Variants in CHIC2 observed in about 807,000 individuals in gnomAD.
CHIC2 encodes the protein cysteine-rich hydrophobic domain-containing protein 2.
CHIC2 carries 14 observed loss-of-function variants against 25.9 expected under a neutral mutation model. The observed-to-expected ratio is 0.54, with a 90% CI of 0.36 to 0.85. The LOEUF is 0.85. Among genes scored for constraint, CHIC2 ranks in the 40% least tolerant of loss-of-function variants. The pLI, the probability that CHIC2 is intolerant of heterozygous loss-of-function variation, is 0.01. For synonymous variants in CHIC2, 70 were observed against 72.0 expected, an observed-to-expected ratio of 0.97 and a Z score of 0.14; for missense variants, 146 against 202.0, an observed-to-expected ratio of 0.72 and a Z score of 1.68.
intron 3 of CHIC2, among the ~76,000 whole-genome samples, chr4:54,031,092 C>G (rs1424441646): frequency 6.6e-6 from 1 of 151,096 alleles, no homozygotes; most frequent in African/African-American, 2.4e-5. Context: ...CTACAAAGCT[C>G]AATTTTCAGA....
the CHIC2 span, among the ~76,000 whole-genome samples, chr4:54,074,597 AAC>A: frequency 0.035 from 4,840 of 139,322 alleles, 71 homozygotes; most frequent in Non-Finnish European, 0.042. Context: ...ACAACACACA[AAC>A]ACACACACAC....
Position 54,033,512 on chromosome 4 carries a change from G to A in CHIC2, c.330+15443C>T, listed in dbSNP as rs143578640. On this transcript the variant is annotated intron_variant, in intron 3 of 5. Coordinates refer to ENST00000263921, the MANE Select transcript of CHIC2 (RefSeq NM_012110.4). ...AAATCCTCCAATAGTTTTCAAAAAC[G>A]GAAATTTTTAACTTTTATGGAGTCC... is the stretch of plus-strand genomic sequence containing the variant. Among the ~76,000 whole-genome samples the A allele has an allele frequency of 3.6e-3, 551 of 152,178 alleles. 4 individuals carry two copies. The highest frequency in any genetic ancestry group is 0.013 in the African/African-American group (526 of 41,548).
intron 3 of CHIC2, among the ~76,000 whole-genome samples, chr4:54,032,391 G>A (rs917738526): frequency 1.3e-5 from 2 of 151,106 alleles, no homozygotes; most frequent in Admixed American, 6.6e-5. Flanking sequence ...TCAGCCTGCC[G>A]AGTGCCTGCG....
the CHIC2 span, among the ~76,000 whole-genome samples, chr4:54,073,309 A>G: frequency 6.6e-5 from 10 of 152,198 alleles, no homozygotes; most frequent in Admixed American, 2.0e-4. Context: ...TGAGAGACTC[A>G]TCAACTTGTG....
At chr4:54,083,196 G>A in the CHIC2 span, among the ~76,000 whole-genome samples, 1 of 151,322 alleles carries the variant, frequency 6.6e-6, no homozygotes, top group Non-Finnish European at 1.5e-5. Flanking sequence ...TGTATTTTTA[G>A]TAGAGACGGG....
At chr4:54,054,414 A>G (rs1237177511) in intron 1 of CHIC2, among the ~76,000 whole-genome samples, 1 of 152,258 alleles carries the variant, frequency 6.6e-6, no homozygotes, top group African/African-American at 2.4e-5. Flanking sequence ...CAGAAATGCA[A>G]GAATCCACTG....
chr4:54,053,045 G>A (rs1717056328), intron 1 of CHIC2, among the ~76,000 whole-genome samples: 2 of 151,782 alleles, frequency 1.3e-5, no homozygotes, highest in African/African-American at 4.8e-5. Context: ...TAAAAACACA[G>A]AAATACCATT....
intron 5 of CHIC2, among the ~76,000 whole-genome samples, chr4:54,012,953 A>G (rs1407257816): frequency 2.0e-5 from 3 of 152,164 alleles, no homozygotes; most frequent in African/African-American, 7.2e-5. Context: ...AATATTTTAC[A>G]CATACACACG....
Position 54,010,119 on chromosome 4 carries a change from C to A in CHIC2, c.474G>T (p.Lys158Asn). 1 of 1,607,454 alleles carries A rather than the reference C, an allele frequency of 6.2e-7. No individual in the cohort carries two copies. Among genetic ancestry groups the A allele is most frequent in the South Asian group, 1.1e-5 (1 of 90,738 alleles). The change falls in exon 6 of 6, where the codon AAG becomes AAT. Residue 158 changes from lysine (K) to asparagine (N), a missense_variant. Lys to Asn is a moderately conservative substitution (Grantham distance 94). Transcript: ENST00000263921. ...EYVILIEFLP[K>N]TPIFRPD ...GCTAATCTGGTCGAAAAATCGGTGT[C>A]TTTGGTAAAAATTCTATGAGGATGA...
upstream of CHIC2, among the ~76,000 whole-genome samples, chr4:54,066,599 C>T (rs916002601): frequency 4.7e-5 from 7 of 150,092 alleles, no homozygotes; most frequent in African/African-American, 1.2e-4. Context: ...ATTGAGTATA[C>T]TGGTGGTCCA....
intron 3 of CHIC2, among the ~76,000 whole-genome samples, chr4:54,023,288 G>A (rs529702521): frequency 5.6e-4 from 86 of 152,224 alleles, no homozygotes; most frequent in South Asian, 2.7e-3. Context: ...TCATGTCTCC[G>A]TGCAGAGGCT....
chr4:54,064,474 C>T lies in CHIC2; in HGVS notation c.-174G>A. Reference sequence around the variant, plus strand: ...GCTACAGAGGGGATGGGGTCTGGACCGTCGCCGCCACCGCCGCCGCCATTA... The same window carrying T: ...GCTACAGAGGGGATGGGGTCTGGACTGTCGCCGCCACCGCCGCCGCCATTA... On this transcript the variant is annotated 5_prime_UTR_variant, in exon 1 of 6. Coordinates refer to ENST00000263921, the MANE Select transcript of CHIC2 (RefSeq NM_012110.4). This position sits in a 1 kb window ranked among gnomAD's most constrained non-coding sequence, Gnocchi z 4.2. The T allele has an allele frequency of 2.8e-6, 4 of 1,452,628 alleles. No homozygotes were observed. Among genetic ancestry groups the T allele is most frequent in the Non-Finnish European group, 3.6e-6 (4 of 1,110,748 alleles). The allele number at this position is 1,452,628 out of a possible 1,614,324, so 90.0% of individuals were successfully genotyped here.
At chr4:54,070,530 C>T in the CHIC2 span, among the ~76,000 whole-genome samples, 2 of 152,160 alleles carry the variant, frequency 1.3e-5, no homozygotes, top group African/African-American at 4.8e-5. Flanking sequence ...TCAAGCGATT[C>T]TCCTGCCTCA....
the CHIC2 span, among the ~76,000 whole-genome samples, chr4:54,088,980 G>A: frequency 6.6e-6 from 1 of 152,172 alleles, no homozygotes; most frequent in East Asian, 1.9e-4. Flanking sequence ...GGTAATGCAG[G>A]AACCTGGAAC....
At chr4:54,086,160 T>G in the CHIC2 span, among the ~76,000 whole-genome samples, 3 of 152,008 alleles carry the variant, frequency 2.0e-5, no homozygotes, top group African/African-American at 4.8e-5. Flanking sequence ...TAGGAAAGCA[T>G]GTAAACAAGA....
chr4:54,073,685 C>G, the CHIC2 span, among the ~76,000 whole-genome samples: 2 of 152,084 alleles, frequency 1.3e-5, no homozygotes, highest in African/African-American at 4.8e-5. Flanking sequence ...TCAGAAATGA[C>G]AAATGTTTAT....
chr4:54,076,092 GC>G, the CHIC2 span, among the ~76,000 whole-genome samples: 3 of 152,026 alleles, frequency 2.0e-5, no homozygotes, highest in Admixed American at 6.6e-5. Flanking sequence ...TTCAAGAACA[GC>G]CTATGCAACA....
chr4:54,068,644 A>G (rs1393684697), upstream of CHIC2, among the ~76,000 whole-genome samples: 1 of 152,216 alleles, frequency 6.6e-6, no homozygotes, highest in East Asian at 1.9e-4. Flanking sequence ...CTGCTTAACA[A>G]CAACAACCAA....
intron 3 of CHIC2, among the ~76,000 whole-genome samples, chr4:54,030,835 A>C (rs1358054526): frequency 2.0e-5 from 3 of 150,634 alleles, no homozygotes; most frequent in Non-Finnish European, 4.4e-5. Context: ...ACCTGGCCTA[A>C]AATGCTAATT....
Sources: gnomAD v4.1 joint callset for allele counts (sites outside exome capture counted in the v4.1 genomes callset) on GRCh38, gnomAD v4.1.1 for gene constraint, Gnocchi (gnomAD v3.1) non-coding constraint, MANE v1.5 for transcripts, NCBI Gene and HGNC (gene_info 2026-07-23, HGNC 2026-07-21) for gene names.